TBCD: variants seen among roughly 807,000 people sequenced by gnomAD.
TBCD encodes tubulin folding cofactor D, also known as tubulin-specific chaperone D.
TBCD carries 105 observed loss-of-function variants against 169.3 expected under a neutral mutation model. The ratio of observed to expected loss-of-function variants is 0.62; its 90% CI spans 0.53 to 0.73. The LOEUF is 0.73. Among genes scored for constraint, TBCD ranks in the 30% least tolerant of loss-of-function variants. TBCD has a pLI of 0.00. For synonymous variants in TBCD, 700 were observed against 643.9 expected (o/e 1.09, Z -1.32); for missense variants, 1,444 against 1,600.1 (o/e 0.90, Z 1.66).
intron 7 of TBCD, among the ~76,000 whole-genome samples, chr17:82,791,410 T>TC (rs1490922570): frequency 6.6e-6 from 1 of 152,170 alleles, no homozygotes; most frequent in Non-Finnish European, 1.5e-5. Context: ...TAACCTCTTT[T>TC]CTAGCATCTT....
rs1314087771 is a variant in TBCD, at chr17:82,923,632, C to T, written c.2179-20C>T. ...TCCGAGCAGAGCTGCTGTGCGCTCACCGTGCTGCCTTTGTTTTAGGATGCA... is the reference window on the plus strand; with the variant it reads ...TCCGAGCAGAGCTGCTGTGCGCTCATCGTGCTGCCTTTGTTTTAGGATGCA... On this transcript the variant is annotated intron_variant, in intron 25 of 38. Coordinates refer to ENST00000355528, the MANE Select transcript of TBCD (RefSeq NM_005993.5). The surrounding 1 kb of genome is among the most constrained non-coding windows in gnomAD (Gnocchi z 4.6). The T allele has an allele frequency of 1.3e-6, 2 of 1,555,412 alleles. No homozygotes were observed. The highest frequency in any genetic ancestry group is 4.8e-5 in the East Asian group (2 of 41,726).
chr17:82,769,273 T>G (rs1455501785), intron 5 of TBCD, among the ~76,000 whole-genome samples: 2 of 152,250 alleles, frequency 1.3e-5, no homozygotes, highest in Admixed American at 6.5e-5. Context: ...ACTTAGTGAC[T>G]TATTCCATCA....
At position 82,944,716 on chromosome 17, in the gene TBCD, C is replaced by T. The variant is rs183483060; in HGVS notation, c.*2253C>T. 2.2e-4 allele frequency: 34 copies of T among 152,242 alleles called. No individual in the cohort carries two copies. The highest frequency in any genetic ancestry group is 8.8e-5 in the Non-Finnish European group (6 of 68,022). The allele number at this position is 152,242 out of a possible 1,614,324, so 9.4% of individuals were successfully genotyped here. On this transcript the variant is annotated 3_prime_UTR_variant, in exon 39 of 39. Transcript: ENST00000355528. ...TGTGGGATTTGTGTACCCACAAACA[C>T]GTTCTAGGTGCTAACCAGAAACCCT...
chr17:82,876,700 G>A (rs951512095), intron 14 of TBCD, among the ~76,000 whole-genome samples: 10 of 152,304 alleles, frequency 6.6e-5, no homozygotes, highest in African/African-American at 2.2e-4. Context: ...TAAAAACAGC[G>A]TTTCTCAGGC....
intron 2 of TBCD, among the ~76,000 whole-genome samples, chr17:82,757,423 C>T (rs900237258): frequency 1.2e-4 from 18 of 151,862 alleles, no homozygotes; most frequent in Admixed American, 4.6e-4. Flanking sequence ...GAGTTCGAGA[C>T]CAGCATGGCT....
At chr17:82,862,515 G>T (rs1411331304) in intron 13 of TBCD, among the ~76,000 whole-genome samples, 2 of 152,114 alleles carry the variant, frequency 1.3e-5, no homozygotes, top group Non-Finnish European at 2.9e-5. Context: ...GTGTGATGAG[G>T]CCTAAGAGGA....
Position 82,930,522 on chromosome 17 carries a change from A to G in TBCD, c.2992A>G (p.Ile998Val), listed in dbSNP as rs898966357. 2 of 1,612,646 alleles carry G rather than the reference A, an allele frequency of 1.2e-6. No individual in the cohort carries two copies. Residue 998 changes from isoleucine (I) to valine (V), a missense_variant and splice_region_variant, in exon 33 of 39, where the codon ATC becomes GTC. Coordinates refer to ENST00000355528, the MANE Select transcript of TBCD (RefSeq NM_005993.5). This position sits in a 1 kb window ranked among gnomAD's most constrained non-coding sequence, Gnocchi z 5.2. ...CTTCTGAGGTGTCTCCGTGTTGCAGATCCGGCACTCCACCCAGAGCCTCTT... is the reference window on the plus strand; with the variant it reads ...CTTCTGAGGTGTCTCCGTGTTGCAGGTCCGGCACTCCACCCAGAGCCTCTT... ...VSLGGLTEST[I>V]RHSTQSLFEY...
At chr17:82,788,161 C>A (rs1247396078) in intron 7 of TBCD, among the ~76,000 whole-genome samples, 1 of 152,164 alleles carries the variant, frequency 6.6e-6, no homozygotes, top group Non-Finnish European at 1.5e-5. Context: ...TCGCTTGAAC[C>A]CGGGAGGTGG....
intron 13 of TBCD, among the ~76,000 whole-genome samples, chr17:82,848,723 G>A (rs910842229): frequency 1.3e-5 from 2 of 152,158 alleles, no homozygotes. Context: ...GATGAAAATA[G>A]ATGCGAACAG....
At chr17:82,821,075 C>A (rs536781485) in intron 13 of TBCD, among the ~76,000 whole-genome samples, 108 of 152,232 alleles carry the variant, frequency 7.1e-4, no homozygotes, top group Non-Finnish European at 1.3e-3. Flanking sequence ...CCCGCCTCAG[C>A]CTCCTGAGTA....
At chr17:82,807,135 C>A (rs1042461155) in intron 10 of TBCD, among the ~76,000 whole-genome samples, 1 of 152,242 alleles carries the variant, frequency 6.6e-6, no homozygotes, top group Admixed American at 6.5e-5. Context: ...GGGCCCTCAC[C>A]GTGTGACCTG....
At chr17:82,929,091 A>C in intron 30 of TBCD, 22 bp from the exon 31 acceptor site, 1 of 1,597,408 alleles carries the variant, frequency 6.3e-7, no homozygotes, top group South Asian at 1.1e-5. Flanking sequence ...CCCTTGGTTT[A>C]CCTCCTGCTC....
Position 82,838,506 on chromosome 17 carries a change from C to T in TBCD, c.1318+23572C>T, listed in dbSNP as rs559047521. ...CCAGCTGTCTGGCAAGGAGCCTGCT[C>T]GGCTGGAGCATTGTGAAGGGCATGC... On this transcript the variant is annotated intron_variant, in intron 13 of 38. Coordinates refer to ENST00000355528, the MANE Select transcript of TBCD (RefSeq NM_005993.5). The T allele has an allele frequency of 5.7e-5, 21 of 369,890 alleles. No individual in the cohort carries two copies. In the South Asian group the frequency reaches 1.3e-3, roughly 23 times the overall value. The allele number at this position is 369,890 out of a possible 1,614,324, so 22.9% of individuals were successfully genotyped here. A position where few individuals can be genotyped will look rare whatever the true frequency, so the allele number is the denominator to read the frequency against.
At chr17:82,753,076 A>G (rs1446347738) in intron 1 of TBCD, among the ~76,000 whole-genome samples, 1 of 152,234 alleles carries the variant, frequency 6.6e-6, no homozygotes, top group Non-Finnish European at 1.5e-5. Context: ...ACAAGTCCTT[A>G]GGAGCTCATA....
In TBCD at chr17:82,806,199, A is replaced by G. The variant is rs1421290076; in HGVS notation, c.1087+188A>G. ...CCCAGGCCTGTCCCTGACCATGGAC[A>G]GTCTCTTCCTGTGTGCCGTAGAAGC... On this transcript the variant is annotated intron_variant, in intron 10 of 38. Transcript: ENST00000355528. The surrounding 1 kb of genome is among the most constrained non-coding windows in gnomAD (Gnocchi z 5.1). 6.6e-6 allele frequency among the ~76,000 whole-genome samples: 1 copy of G among 152,070 alleles called. No individual in the cohort carries two copies. The highest frequency in any genetic ancestry group is 1.5e-5 in the Non-Finnish European group (1 of 67,996).
At chr17:82,875,187 C>T (rs781099651) in intron 14 of TBCD, among the ~76,000 whole-genome samples, 5 of 152,186 alleles carry the variant, frequency 3.3e-5, no homozygotes, top group Admixed American at 3.3e-4. Context: ...TCGTAGGTAA[C>T]TTTTACCATG....
At position 82,942,632 on chromosome 17, in the gene TBCD, TG is replaced by T; in HGVS notation, c.*171del. On this transcript the variant is annotated 3_prime_UTR_variant, in exon 39 of 39. Transcript: ENST00000355528. The stretch of plus-strand genomic sequence containing the variant: ...GCTTTTCCTCTCTGCACCTGCGCTC[TG>T]GTGACTTGGGGTGGACGCCTCTGCC... 1.2e-6 allele frequency: 1 copy of T among 807,666 alleles called. No homozygotes were observed. Among genetic ancestry groups the T allele is most frequent in the Non-Finnish European group, 2.0e-6 (1 of 495,412 alleles). 50.0% of individuals were successfully genotyped at this position (807,666 alleles called of 1,614,324 possible). A position where few individuals can be genotyped will look rare whatever the true frequency, so the allele number is the denominator to read the frequency against.
At chr17:82,939,583 A>C in intron 37 of TBCD, 107 bp downstream of exon 37, 1 of 898,730 alleles carries the variant, frequency 1.1e-6, no homozygotes, top group Non-Finnish European at 1.7e-6. Flanking sequence ...AGGAGGAGGA[A>C]AGAGGGTTCC....
Position 82,923,236 on chromosome 17 carries a change from G to A in TBCD, c.2179-416G>A, listed in dbSNP as rs1234044600. On this transcript the variant is annotated intron_variant, in intron 25 of 38. Coordinates refer to ENST00000355528, the MANE Select transcript of TBCD (RefSeq NM_005993.5). The surrounding 1 kb of genome is among the most constrained non-coding windows in gnomAD (Gnocchi z 4.6). Reference sequence around the variant, plus strand: ...TTCCATATTAGAAGACAGACATTGTGGAAGGAATAATCAGGTTATCCATTC... The same window carrying A: ...TTCCATATTAGAAGACAGACATTGTAGAAGGAATAATCAGGTTATCCATTC... Among the ~76,000 whole-genome samples the A allele has an allele frequency of 1.3e-5, 2 of 152,242 alleles. No homozygotes were observed. The highest frequency in any genetic ancestry group is 4.8e-5 in the African/African-American group (2 of 41,452).
Sources: allele counts gnomAD v4.1 joint callset (sites outside exome capture counted in the v4.1 genomes callset), GRCh38; gene constraint gnomAD v4.1.1; non-coding constraint Gnocchi (gnomAD v3.1); transcripts MANE v1.5; gene names NCBI Gene and HGNC (gene_info 2026-07-23, HGNC 2026-07-21).